The following CAPRIN1 variants were observed in gnomAD, a reference collection of about 807,000 sequenced individuals.
The protein encoded by CAPRIN1 is caprin-1.
CAPRIN1 carries 29 observed loss-of-function variants against 100.9 expected under a neutral mutation model. The observed-to-expected ratio is 0.29, with a 90% CI of 0.21 to 0.39. The LOEUF is 0.39. Ranked by LOEUF, CAPRIN1 falls within the 10% of genes least tolerant of loss-of-function variation. The pLI is 1.00. For missense variants in CAPRIN1, 795 were observed against 876.7 expected (o/e 0.91, Z 1.18); for synonymous variants, 338 against 307.5 (o/e 1.10, Z -1.04).
At chr11:34,058,250 C>T (rs923212318) in intron 2 of CAPRIN1, among the ~76,000 whole-genome samples, 1 of 151,984 alleles carries the variant, frequency 6.6e-6, no homozygotes, top group African/African-American at 2.4e-5. Context: ...GATTCTCATG[C>T]CTCAGCCTCC....
intron 15 of CAPRIN1, among the ~76,000 whole-genome samples, chr11:34,092,825 A>G (rs1236759099): frequency 6.6e-6 from 1 of 152,126 alleles, no homozygotes; most frequent in Non-Finnish European, 1.5e-5. Flanking sequence ...GCTAGTTACC[A>G]TACCTGTCAC....
chr11:34,098,248 TG>T, intron 18 of CAPRIN1: 1 of 986,198 alleles, frequency 1.0e-6, no homozygotes, highest in African/African-American at 1.7e-5. Flanking sequence ...ATAGAACTAA[TG>T]GAATTTGCAA....
At position 34,086,698 on chromosome 11, in the gene CAPRIN1, A is replaced by T. The variant is rs187832760; in HGVS notation, c.1231+285A>T. The stretch of plus-strand genomic sequence containing the variant: ...AAAACACCTGCAGCTAGATTAAGAA[A>T]TGAAACATTACCAGTACCCCAGAAA... On this transcript the variant is annotated intron_variant, in intron 11 of 18. Transcript: ENST00000341394. Among the ~76,000 whole-genome samples, 5 of 152,350 alleles carry T rather than the reference A, an allele frequency of 3.3e-5. No individual in the cohort carries two copies. The East Asian group carries it at 9.6e-4, about 29-fold the overall frequency.
chr11:34,068,360 A>C (rs992989536), intron 2 of CAPRIN1, among the ~76,000 whole-genome samples: 4 of 152,192 alleles, frequency 2.6e-5, no homozygotes, highest in Admixed American at 1.3e-4. Flanking sequence ...GTTGAAGCTC[A>C]CTCAAGTACA....
chr11:34,052,764 C>CT (rs1850353591), intron 2 of CAPRIN1, 128 bp downstream of exon 2: 3 of 1,412,944 alleles, frequency 2.1e-6, no homozygotes, highest in Non-Finnish European at 2.9e-6. Context: ...CTCCCACCCC[C>CT]TGGCCCACAC....
At chr11:34,056,347 GTTGT>G (rs1208178526) in intron 2 of CAPRIN1, 3 of 152,070 alleles carry the variant, frequency 2.0e-5, no homozygotes, top group Non-Finnish European at 2.9e-5. Flanking sequence ...AAAAAACAAA[GTTGT>G]TTATTTCCTA....
At chr11:34,052,260 C>G in intron 1 of CAPRIN1, 161 bp from the exon 2 acceptor site, 1 of 533,024 alleles carries the variant, frequency 1.9e-6, no homozygotes, top group Non-Finnish European at 3.2e-6. Context: ...CGCGCCCGCG[C>G]ACTCTTCCTG....
At chr11:34,097,357 T>A (rs2016367698) in intron 17 of CAPRIN1, 61 bp downstream of exon 17, 1 of 1,307,100 alleles carries the variant, frequency 7.7e-7, no homozygotes, top group Admixed American at 1.7e-5. Flanking sequence ...AGTGACTTAG[T>A]GTTGTTGCTT....
chr11:34,075,516 A>G lies in CAPRIN1; in HGVS notation c.367-720A>G, dbSNP rs181743141. ...TACTTAGCTTTATCTATTTTTCTCC[A>G]CCAGCATCATCTTATTCATAAAAAC... On this transcript the variant is annotated intron_variant, in intron 4 of 18. Coordinates refer to ENST00000341394, the MANE Select transcript of CAPRIN1 (RefSeq NM_005898.5). Among the ~76,000 whole-genome samples the G allele has an allele frequency of 6.6e-5, 10 of 152,344 alleles. No homozygotes were observed. In the East Asian group the frequency reaches 1.7e-3, roughly 26 times the overall value.
chr11:34,097,185 C>G lies in CAPRIN1; in HGVS notation c.1901-11C>G, dbSNP rs771595462. The G allele has an allele frequency of 1.0e-5, 16 of 1,580,590 alleles. No homozygotes were observed. The highest frequency in any genetic ancestry group is 8.1e-5 in the African/African-American group (6 of 74,132). ...TAAGAAAATTATTTCTTTTCTTGTCCTAAATTTTAGGAGGATATGATGGTT... is the reference window on the plus strand; with the variant it reads ...TAAGAAAATTATTTCTTTTCTTGTCGTAAATTTTAGGAGGATATGATGGTT... On this transcript the variant is annotated splice_polypyrimidine_tract_variant and intron_variant, in intron 16 of 18. Coordinates refer to ENST00000341394, the MANE Select transcript of CAPRIN1 (RefSeq NM_005898.5).
chr11:34,060,464 C>T (rs1850554701), intron 2 of CAPRIN1, among the ~76,000 whole-genome samples: 1 of 152,160 alleles, frequency 6.6e-6, no homozygotes, highest in South Asian at 2.1e-4. Context: ...CTCAGCCTCC[C>T]AAAGTGTTGG....
chr11:34,070,707 T>C (rs1255334726), intron 2 of CAPRIN1, among the ~76,000 whole-genome samples: 1 of 151,422 alleles, frequency 6.6e-6, no homozygotes, highest in Non-Finnish European at 1.5e-5. Context: ...GAAAAAATAC[T>C]CTTTTTTTTT....
chr11:34,069,632 A>G (rs1302249733), intron 2 of CAPRIN1, among the ~76,000 whole-genome samples: 2 of 151,954 alleles, frequency 1.3e-5, no homozygotes, highest in Non-Finnish European at 2.9e-5. Flanking sequence ...ACCTGGGGTC[A>G]GGTCTGTCAT....
At chr11:34,061,590 G>C (rs1850579927) in intron 2 of CAPRIN1, among the ~76,000 whole-genome samples, 1 of 151,914 alleles carries the variant, frequency 6.6e-6, no homozygotes. Flanking sequence ...GCTTTAACCA[G>C]TCTTCCAGGG....
At chr11:34,079,588 C>G (rs1464753526) in intron 6 of CAPRIN1, 40 bp from the exon 7 acceptor site, 1 of 1,562,462 alleles carries the variant, frequency 6.4e-7, no homozygotes, top group Non-Finnish European at 8.8e-7. Context: ...CAGGCATCCT[C>G]AGATAAGTCT....
At chr11:34,083,851 T>A (rs556284769) in intron 9 of CAPRIN1, among the ~76,000 whole-genome samples, 2 of 127,284 alleles carry the variant, frequency 1.6e-5, no homozygotes, top group African/African-American at 5.9e-5. Context: ...GTGGATCACA[T>A]GAGGCCAAGA....
At position 34,080,271 on chromosome 11, in the gene CAPRIN1, C is replaced by T. The variant is rs372460008; in HGVS notation, c.826+506C>T. ...ATCAAGAGTAATTCCTACCAGTATT[C>T]ATTATATTTGTCTTAGTAGTCATTT... is the stretch of plus-strand genomic sequence containing the variant. On this transcript the variant is annotated intron_variant, in intron 7 of 18. Transcript: ENST00000341394. Among the ~76,000 whole-genome samples, 18 of 152,170 alleles carry T rather than the reference C, an allele frequency of 1.2e-4. No homozygotes were observed. In the East Asian group the frequency reaches 2.3e-3, roughly 20 times the overall value.
rs1272332122 is a variant in CAPRIN1 at position 34,076,570 on chromosome 11, C to G, written c.616C>G (p.Gln206Glu). 1 of 1,613,436 alleles carries G rather than the reference C, an allele frequency of 6.2e-7. No homozygotes were observed. ...ERDMSLRLNE[Q>E]YEHASIHLWD... ...ATTTACTATTAAAAGGTTGAATGAA[C>G]AGTATGAACATGCCTCCATTCACCT... Residue 206 changes from glutamine (Q) to glutamate (E), a missense_variant, in exon 6 of 19, where the codon CAG (glutamine) becomes GAG (glutamate). Coordinates refer to ENST00000341394, the MANE Select transcript of CAPRIN1 (RefSeq NM_005898.5).
chr11:34,084,528 C>G (rs1226557238), intron 9 of CAPRIN1, among the ~76,000 whole-genome samples: 1 of 152,190 alleles, frequency 6.6e-6, no homozygotes, highest in Non-Finnish European at 1.5e-5. Flanking sequence ...TTTTAGGACA[C>G]TCCCACACAC....
Sources: gnomAD v4.1 joint callset for allele counts (sites outside exome capture counted in the v4.1 genomes callset) on GRCh38, gnomAD v4.1.1 for gene constraint, MANE v1.5 for transcripts, NCBI Gene and HGNC (gene_info 2026-07-23, HGNC 2026-07-21) for gene names.